SUPT3H: variants seen among roughly 807,000 people sequenced by gnomAD.
SUPT3H encodes the protein transcription initiation protein SPT3 homolog.
SUPT3H carries 44 observed loss-of-function variants against 44.3 expected under a neutral mutation model. That is an observed-to-expected ratio of 0.99 (90% CI 0.78 to 1.28). SUPT3H has a LOEUF of 1.28. Ranked by LOEUF, SUPT3H falls within the 50% of genes most tolerant of loss-of-function variation. SUPT3H has a pLI of 0.00. For synonymous variants in SUPT3H, 124 were observed against 125.6 expected (o/e 0.99, Z 0.09); for missense variants, 380 against 387.1 (o/e 0.98, Z 0.15).
chr6:44,810,074 C>G (rs1305807166), intron 11 of SUPT3H, among the ~76,000 whole-genome samples: 1 of 152,210 alleles, frequency 6.6e-6, no homozygotes, highest in Non-Finnish European at 1.5e-5. Context: ...GAGTATACTT[C>G]TGTCCTTCAG....
intron 6 of SUPT3H, among the ~76,000 whole-genome samples, chr6:45,000,810 C>A (rs1781915204): frequency 6.6e-6 from 1 of 152,052 alleles, no homozygotes; most frequent in Admixed American, 6.6e-5. Context: ...TTAAAAGCTG[C>A]TCTCTCTGGT....
At chr6:45,221,032 A>G (rs1765954395) in intron 2 of SUPT3H, among the ~76,000 whole-genome samples, 1 of 152,254 alleles carries the variant, frequency 6.6e-6, no homozygotes, top group Non-Finnish European at 1.5e-5. Context: ...ACCATAGAAT[A>G]CTATGCAGCC....
chr6:45,182,829 A>G (rs1813526761), intron 2 of SUPT3H, among the ~76,000 whole-genome samples: 1 of 152,236 alleles, frequency 6.6e-6, no homozygotes, highest in African/African-American at 2.4e-5. Context: ...AAGGAAAATA[A>G]CAAGTGTTGG....
intron 2 of SUPT3H, among the ~76,000 whole-genome samples, chr6:45,108,235 G>C (rs1285502986): frequency 6.6e-6 from 1 of 152,164 alleles, no homozygotes; most frequent in African/African-American, 2.4e-5. Flanking sequence ...CACTACTTTG[G>C]GAGGCCAAGG....
At chr6:45,039,483 T>A (rs1788178352) in intron 3 of SUPT3H, among the ~76,000 whole-genome samples, 3 of 152,076 alleles carry the variant, frequency 2.0e-5, no homozygotes, top group Non-Finnish European at 4.4e-5. Context: ...TCTGTTTCCA[T>A]CACCTAACTT....
chr6:44,930,812 A>C (rs1770468216), intron 10 of SUPT3H, among the ~76,000 whole-genome samples: 1 of 152,174 alleles, frequency 6.6e-6, no homozygotes, highest in Non-Finnish European at 1.5e-5. Context: ...TATTTAAATT[A>C]AGCATTTTAA....
At chr6:44,930,504 C>T (rs1770403272) in intron 10 of SUPT3H, among the ~76,000 whole-genome samples, 1 of 142,674 alleles carries the variant, frequency 7.0e-6, no homozygotes, top group African/African-American at 2.6e-5. Flanking sequence ...GTAGAAGTTG[C>T]AGTGAGCTGA....
Position 45,316,649 on chromosome 6 carries a change from TA to T in SUPT3H, c.101+48551del, listed in dbSNP as rs1784746792. ...TCCATACTATTCAAAAAAGAAATTT[TA>T]AAAAACTCATTAACAATAGCTACCA... On this transcript the variant is annotated intron_variant, in intron 2 of 10. Transcript: ENST00000371459. Among the ~76,000 whole-genome samples, 3 of 152,130 alleles carry T rather than the reference TA, an allele frequency of 2.0e-5. No homozygotes were observed. In the South Asian group the frequency reaches 6.2e-4, roughly 32 times the overall value.
intron 2 of SUPT3H, among the ~76,000 whole-genome samples, chr6:45,339,844 T>C (rs1421883303): frequency 5.3e-5 from 8 of 152,208 alleles, no homozygotes; most frequent in Non-Finnish European, 8.8e-5. Context: ...TATACCTTAA[T>C]TGAAACTGTA....
intron 2 of SUPT3H, among the ~76,000 whole-genome samples, chr6:45,265,817 G>T (rs1014268145): frequency 7.2e-5 from 11 of 152,054 alleles, no homozygotes; most frequent in African/African-American, 2.6e-4. Flanking sequence ...TGTTATGTTT[G>T]ACCAATTAAT....
chr6:45,337,322 T>C (rs1158687324), intron 2 of SUPT3H, among the ~76,000 whole-genome samples: 1 of 151,728 alleles, frequency 6.6e-6, no homozygotes, highest in Non-Finnish European at 1.5e-5. Context: ...GCCATTGCAT[T>C]TTTCCTGTAC....
chr6:44,880,616 C>T (rs1467135189), intron 10 of SUPT3H, among the ~76,000 whole-genome samples: 6 of 152,110 alleles, frequency 3.9e-5, no homozygotes, highest in Non-Finnish European at 8.8e-5. Flanking sequence ...AACTTCAAGA[C>T]ACATAATCAT....
At chr6:45,153,547 G>A (rs576091621) in intron 2 of SUPT3H, among the ~76,000 whole-genome samples, 1 of 152,262 alleles carries the variant, frequency 6.6e-6, no homozygotes, top group South Asian at 2.1e-4. Flanking sequence ...AATGAAAAAT[G>A]TGCATATTTG....
chr6:44,934,370 TTAAA>T (rs1771077756), intron 9 of SUPT3H, among the ~76,000 whole-genome samples: 4 of 152,154 alleles, frequency 2.6e-5, no homozygotes, highest in African/African-American at 9.7e-5. Context: ...GAGGGATTGG[TTAAA>T]TAAATTATCC....
intron 10 of SUPT3H, among the ~76,000 whole-genome samples, chr6:44,869,308 C>T (rs996849951): frequency 3.3e-5 from 5 of 151,936 alleles, no homozygotes; most frequent in African/African-American, 1.2e-4. Context: ...CTGTCTTCTA[C>T]AAAAACAACT....
intron 10 of SUPT3H, among the ~76,000 whole-genome samples, chr6:44,870,372 G>A (rs1776174004): frequency 6.6e-6 from 1 of 152,114 alleles, no homozygotes; most frequent in Non-Finnish European, 1.5e-5. Flanking sequence ...TGAGGCAGGA[G>A]GATCTCTTGA....
chr6:44,990,925 G>A (rs1219824722), intron 6 of SUPT3H, among the ~76,000 whole-genome samples: 6 of 151,626 alleles, frequency 4.0e-5, no homozygotes, highest in Non-Finnish European at 8.8e-5. Context: ...TGTAATACAA[G>A]TATTCTTGCA....
intron 2 of SUPT3H, among the ~76,000 whole-genome samples, chr6:45,141,674 G>C (rs1321223669): frequency 6.6e-6 from 1 of 151,842 alleles, no homozygotes; most frequent in Non-Finnish European, 1.5e-5. Flanking sequence ...TTTAAGTGCA[G>C]ACAGCCTCCA....
intron 3 of SUPT3H, among the ~76,000 whole-genome samples, chr6:45,102,185 C>T (rs1798672655): frequency 6.6e-6 from 1 of 152,084 alleles, no homozygotes; most frequent in South Asian, 2.1e-4. Flanking sequence ...ATAATGTATA[C>T]TGGTTACACA....
Sources: gnomAD v4.1 joint callset for allele counts (sites outside exome capture counted in the v4.1 genomes callset) on GRCh38, gnomAD v4.1.1 for gene constraint, MANE v1.5 for transcripts, NCBI Gene and HGNC (gene_info 2026-07-23, HGNC 2026-07-21) for gene names.